LYN: variants seen among roughly 807,000 people sequenced by gnomAD.
The protein encoded by LYN is tyrosine-protein kinase Lyn.
LYN carries 12 observed loss-of-function variants against 65.0 expected under a neutral mutation model. The observed-to-expected ratio is 0.18, with a 90% CI of 0.12 to 0.30. LYN has a LOEUF of 0.30. Ranked by LOEUF, LYN falls within the 10% of genes least tolerant of loss-of-function variation. The pLI is 1.00. For synonymous variants in LYN, 222 were observed against 221.2 expected, an observed-to-expected ratio of 1.00 and a Z score of -0.03; for missense variants, 380 against 623.2, an observed-to-expected ratio of 0.61 and a Z score of 4.16.
At chr8:55,913,412 C>G (rs1293124578) in intron 1 of LYN, among the ~76,000 whole-genome samples, 1 of 152,134 alleles carries the variant, frequency 6.6e-6, no homozygotes, top group African/African-American at 2.4e-5. Flanking sequence ...CTGCAGGGCC[C>G]AAGAATCTAT....
At chr8:56,003,407 G>C (rs149455630) in intron 12 of LYN, among the ~76,000 whole-genome samples, 25 of 152,264 alleles carry the variant, frequency 1.6e-4, no homozygotes, top group African/African-American at 6.0e-4. Flanking sequence ...CAGGCCAGGT[G>C]TGGTGGCTCA....
At chr8:55,925,761 G>A (rs947337614) in intron 1 of LYN, among the ~76,000 whole-genome samples, 1 of 152,168 alleles carries the variant, frequency 6.6e-6, no homozygotes, top group Non-Finnish European at 1.5e-5. Flanking sequence ...GGACGCTGGT[G>A]ACTGGTATAA....
At chr8:55,922,634 G>A (rs943009245) in intron 1 of LYN, among the ~76,000 whole-genome samples, 14 of 152,078 alleles carry the variant, frequency 9.2e-5, no homozygotes, top group African/African-American at 3.4e-4. Context: ...GGGAGTGGTG[G>A]CACACGCCTG....
At chr8:55,912,736 AAC>A (rs1224404070) in intron 1 of LYN, among the ~76,000 whole-genome samples, 137 of 133,440 alleles carry the variant, frequency 1.0e-3, no homozygotes, top group Middle Eastern at 3.8e-3. Context: ...GAAAAAAAAA[AAC>A]AAAACAAAAC....
chr8:55,995,388 C>T (rs1303679841), intron 10 of LYN, among the ~76,000 whole-genome samples: 1 of 152,202 alleles, frequency 6.6e-6, no homozygotes, highest in Non-Finnish European at 1.5e-5. Context: ...CACGAAGTCA[C>T]TGCTCTCCAA....
intron 10 of LYN, among the ~76,000 whole-genome samples, chr8:55,987,153 G>A (rs375193321): frequency 1.9e-4 from 29 of 152,162 alleles, no homozygotes; most frequent in Middle Eastern, 3.4e-3. Context: ...TGGCTCATGC[G>A]TGTAATTTCA....
chr8:55,981,407 T>C (rs1807917437), intron 10 of LYN, among the ~76,000 whole-genome samples: 1 of 152,252 alleles, frequency 6.6e-6, no homozygotes, highest in Admixed American at 6.5e-5. Context: ...ATGACTATAC[T>C]GGCCACTTAA....
At chr8:55,881,546 A>G (rs916421708) in intron 1 of LYN, among the ~76,000 whole-genome samples, 1 of 152,178 alleles carries the variant, frequency 6.6e-6, no homozygotes, top group Non-Finnish European at 1.5e-5. Flanking sequence ...GCCTGAATAA[A>G]TTTCACTGGA....
At chr8:55,988,623 A>G (rs1808152092) in intron 10 of LYN, among the ~76,000 whole-genome samples, 2 of 152,176 alleles carry the variant, frequency 1.3e-5, no homozygotes, top group African/African-American at 4.8e-5. Flanking sequence ...CAGGAAAATC[A>G]GATCTTCATT....
At chr8:55,976,958 G>A (rs1807773057) in intron 10 of LYN, among the ~76,000 whole-genome samples, 1 of 152,170 alleles carries the variant, frequency 6.6e-6, no homozygotes, top group South Asian at 2.1e-4. Flanking sequence ...GCCGAGGTGG[G>A]TGGATCACCT....
chr8:55,952,139 C>A lies in LYN; in HGVS notation c.637+24C>A, dbSNP rs764429528. The A allele has an allele frequency of 5.8e-6, 9 of 1,561,226 alleles. No individual in the cohort carries two copies. In the Admixed American group the frequency reaches 1.9e-4, roughly 33 times the overall value. Reference sequence around the variant, plus strand: ...AAGTAAGTAAAAACTGAAGGTTCAACAAGACAAGATATATTTGTTATGATA... The same window carrying A: ...AAGTAAGTAAAAACTGAAGGTTCAAAAAGACAAGATATATTTGTTATGATA... On this transcript the variant is annotated intron_variant, in intron 7 of 12. Transcript: ENST00000519728.
intron 1 of LYN, among the ~76,000 whole-genome samples, chr8:55,923,828 C>A (rs1305990263): frequency 6.6e-6 from 1 of 151,824 alleles, no homozygotes; most frequent in Non-Finnish European, 1.5e-5. Context: ...CGTGAGCCAC[C>A]GCGCCCGGCC....
At position 56,004,747 on chromosome 8, in the gene LYN, CTTA is replaced by C. The variant is rs1380326755; in HGVS notation, c.1337-5154_1337-5152del. ...TTATCTCTTAATTAAGTTTTTTCCA[CTTA>C]TTATTAGATAAGGATATGGCCACAT... is the stretch of plus-strand genomic sequence containing the variant. On this transcript the variant is annotated intron_variant, in intron 12 of 12. Coordinates refer to ENST00000519728, the MANE Select transcript of LYN (RefSeq NM_002350.4). Among the ~76,000 whole-genome samples, 12 of 152,242 alleles carry C rather than the reference CTTA, an allele frequency of 7.9e-5. No homozygotes were observed. The East Asian group carries it at 1.5e-3, about 20-fold the overall frequency.
chr8:55,927,719 C>T (rs2130445179), intron 1 of LYN, among the ~76,000 whole-genome samples: 1 of 152,018 alleles, frequency 6.6e-6, no homozygotes, highest in Admixed American at 6.6e-5. Context: ...CCTGTAATGC[C>T]CAGCTACTCA....
At chr8:55,915,055 T>TGA (rs1163330694) in intron 1 of LYN, among the ~76,000 whole-genome samples, 1 of 152,214 alleles carries the variant, frequency 6.6e-6, no homozygotes, top group African/African-American at 2.4e-5. Context: ...TTTATAATAC[T>TGA]TACTGTATTA....
intron 1 of LYN, among the ~76,000 whole-genome samples, chr8:55,939,615 C>G (rs925890177): frequency 6.6e-6 from 1 of 152,186 alleles, no homozygotes; most frequent in Non-Finnish European, 1.5e-5. Context: ...GGAGCTGGAT[C>G]GAGCGGCCCG....
intron 1 of LYN, among the ~76,000 whole-genome samples, chr8:55,922,545 C>T (rs1487253846): frequency 2.6e-5 from 4 of 152,092 alleles, no homozygotes; most frequent in Admixed American, 2.0e-4. Context: ...GAGGCCGAGG[C>T]GGGTGAATTC....
intron 1 of LYN, among the ~76,000 whole-genome samples, chr8:55,880,765 CG>C (rs1314203976): frequency 6.6e-6 from 1 of 152,204 alleles, no homozygotes; most frequent in Non-Finnish European, 1.5e-5. Context: ...TGAGAGGAAG[CG>C]AGAGTTATTT....
intron 1 of LYN, among the ~76,000 whole-genome samples, chr8:55,902,432 A>G (rs1235057714): frequency 6.6e-6 from 1 of 151,418 alleles, no homozygotes; most frequent in Non-Finnish European, 1.5e-5. Context: ...GGTTCAAGCA[A>G]TTCTCCTGCC....
Sources: gnomAD v4.1 joint callset for allele counts (sites outside exome capture counted in the v4.1 genomes callset) on GRCh38, gnomAD v4.1.1 for gene constraint, MANE v1.5 for transcripts, NCBI Gene and HGNC (gene_info 2026-07-23, HGNC 2026-07-21) for gene names.